OR52I2: variants seen among roughly 807,000 people sequenced by gnomAD.
The protein encoded by OR52I2 is olfactory receptor family 52 subfamily I member 2, also known as olfactory receptor 52I2.
For missense variants in OR52I2, 350 were observed against 402.4 expected, an observed-to-expected ratio of 0.87 and a Z score of 1.11; for synonymous variants, 147 against 151.9, an observed-to-expected ratio of 0.97 and a Z score of 0.24.
chr11:4,585,890 A>C (rs1456764179), intron 1 of OR52I2, among the ~76,000 whole-genome samples: 1 of 152,224 alleles, frequency 6.6e-6, no homozygotes, highest in African/African-American at 2.4e-5. Context: ...CAGACTATGA[A>C]TACTACACTT....
At chr11:4,591,264 T>TA (rs1846348450) in exon 2 of OR52I2, 1 of 152,106 alleles carries the variant, frequency 6.6e-6, no homozygotes, top group Non-Finnish European at 1.5e-5. Flanking sequence ...TGACAAGAGG[T>TA]AAAAAGAGGT....
chr11:4,588,987 GTTT>G (rs1002716948), exon 2 of OR52I2: 3 of 152,132 alleles, frequency 2.0e-5, no homozygotes, highest in African/African-American at 4.8e-5. Flanking sequence ...ACCTATCATG[GTTT>G]TTTGTTTGTT....
chr11:4,592,282 G>A (rs1309720195), exon 2 of OR52I2: 2 of 152,134 alleles, frequency 1.3e-5, no homozygotes, highest in African/African-American at 2.4e-5. Flanking sequence ...AGAAGTTGAG[G>A]CTTGGAGAGT....
At chr11:4,588,987 G>GT (rs1002716948) in exon 2 of OR52I2, 2 of 152,132 alleles carry the variant, frequency 1.3e-5, no homozygotes, top group Non-Finnish European at 2.9e-5. Context: ...ACCTATCATG[G>GT]TTTTTTGTTT....
At chr11:4,582,285 A>C (rs1004664703) in intron 1 of OR52I2, among the ~76,000 whole-genome samples, 1 of 152,192 alleles carries the variant, frequency 6.6e-6, no homozygotes, top group African/African-American at 2.4e-5. Flanking sequence ...GTTATGCATT[A>C]GTTCTTTTAC....
exon 2 of OR52I2, chr11:4,587,942 A>T: frequency 8.7e-7 from 1 of 1,154,798 alleles, no homozygotes. Flanking sequence ...CTGGTGCTAC[A>T]GGAATTCTAA....
At chr11:4,585,192 C>G (rs933067766) in intron 1 of OR52I2, among the ~76,000 whole-genome samples, 1 of 152,112 alleles carries the variant, frequency 6.6e-6, no homozygotes, top group Non-Finnish European at 1.5e-5. Context: ...TTCGACTCTT[C>G]GCTATCCTGC....
intron 1 of OR52I2, 75 bp from the exon 2 acceptor site, chr11:4,586,797 G>C (rs1177094296): frequency 3.7e-6 from 6 of 1,605,940 alleles, no homozygotes; most frequent in Non-Finnish European, 5.1e-6. Flanking sequence ...ATATCCTTAG[G>C]TTTTCCCAGC....
chr11:4,584,332 G>C (rs550426934), intron 1 of OR52I2, among the ~76,000 whole-genome samples: 9 of 152,306 alleles, frequency 5.9e-5, no homozygotes, highest in African/African-American at 2.2e-4. Flanking sequence ...TTAGAACCAT[G>C]AGGGTTTGAG....
chr11:4,590,124 C>T (rs60180177), exon 2 of OR52I2: 1 of 152,272 alleles, frequency 6.6e-6, no homozygotes, highest in East Asian at 1.9e-4. Flanking sequence ...GTATCTTAAC[C>T]TCAGTAGTGC....
At chr11:4,588,268 C>G (rs551320098) in exon 2 of OR52I2, 1 of 179,584 alleles carries the variant, frequency 5.6e-6, no homozygotes, top group Admixed American at 5.4e-5. Flanking sequence ...ATCTGGGGAA[C>G]TGAGAGCATG....
chr11:4,593,225 A>AC (rs1846366114), exon 2 of OR52I2: 2 of 152,658 alleles, frequency 1.3e-5, no homozygotes, highest in Admixed American at 6.5e-5. Flanking sequence ...AAGAACCATA[A>AC]CAACTTATTG....
exon 2 of OR52I2, chr11:4,592,362 C>T (rs766653104): frequency 3.3e-5 from 5 of 152,120 alleles, no homozygotes; most frequent in Non-Finnish European, 7.4e-5. Context: ...GAGTATGAAT[C>T]TAGAACCGAT....
exon 2 of OR52I2, chr11:4,592,488 T>C (rs1846358499): frequency 6.6e-6 from 1 of 152,158 alleles, no homozygotes. Flanking sequence ...AAATAGAATC[T>C]AGGGGTTCCA....
At chr11:4,585,067 T>C (rs569624073) in intron 1 of OR52I2, among the ~76,000 whole-genome samples, 4 of 152,214 alleles carry the variant, frequency 2.6e-5, no homozygotes, top group African/African-American at 9.6e-5. Flanking sequence ...ATCTCCTTTT[T>C]ATGGATGAAG....
At chr11:4,582,053 G>A (rs1004931439) in intron 1 of OR52I2, among the ~76,000 whole-genome samples, 189 bp downstream of exon 1, 1 of 152,232 alleles carries the variant, frequency 6.6e-6, no homozygotes, top group African/African-American at 2.4e-5. Flanking sequence ...GGATGAGGGA[G>A]GTGGAGAGGG....
At chr11:4,587,854 C>T (rs754495085) in exon 2 of OR52I2, 5 of 1,613,370 alleles carry the variant, frequency 3.1e-6, no homozygotes, top group Middle Eastern at 1.7e-4. Context: ...CCATTCCAAC[C>T]TGGGTTCATG....
exon 2 of OR52I2, chr11:4,591,392 T>G (rs1010477580): frequency 6.6e-6 from 1 of 152,076 alleles, no homozygotes; most frequent in South Asian, 2.1e-4. Context: ...GCTTGGCAAA[T>G]GAGCACCTTT....
exon 2 of OR52I2, chr11:4,591,678 C>T (rs1846351651): frequency 6.6e-6 from 1 of 152,162 alleles, no homozygotes; most frequent in Non-Finnish European, 1.5e-5. Flanking sequence ...ATTTGAAGCA[C>T]TAATTTAGCC....
Sources: allele counts gnomAD v4.1 joint callset (sites outside exome capture counted in the v4.1 genomes callset), GRCh38; gene constraint gnomAD v4.1.1; transcripts MANE v1.5; gene names NCBI Gene and HGNC (gene_info 2026-07-23, HGNC 2026-07-21).